The following CDC16 variants were observed in gnomAD, a reference collection of about 807,000 sequenced individuals.
The protein encoded by CDC16 is cell division cycle protein 16 homolog.
A neutral mutation model predicts 87.0 loss-of-function variants in CDC16; 34 were observed. The ratio of observed to expected loss-of-function variants is 0.39; its 90% CI spans 0.30 to 0.52. CDC16 has a LOEUF of 0.52. Among genes scored for constraint, CDC16 ranks in the 20% least tolerant of loss-of-function variants. The probability of loss-of-function intolerance (pLI) is 0.74; values close to 1 mark genes in which losing one functional copy is unlikely to be tolerated. For synonymous variants in CDC16, 263 were observed against 260.6 expected, an observed-to-expected ratio of 1.01 and a Z score of -0.09; for missense variants, 653 against 751.9, an observed-to-expected ratio of 0.87 and a Z score of 1.54.
intron 1 of CDC16, among the ~76,000 whole-genome samples, chr13:114,235,988 G>A (rs961810451): frequency 5.3e-5 from 8 of 152,320 alleles, no homozygotes; most frequent in African/African-American, 1.7e-4. Flanking sequence ...CGGGCTAGCA[G>A]CAGTGGTCCT....
intron 13 of CDC16, among the ~76,000 whole-genome samples, chr13:114,258,077 G>A (rs17291383): frequency 2.6e-5 from 4 of 152,028 alleles, no homozygotes; most frequent in African/African-American, 9.7e-5. Context: ...GAGCCTCCAC[G>A]CTCGGCTGTA....
chr13:114,257,113 A>G lies in CDC16; in HGVS notation c.1133A>G (p.Tyr378Cys). ...HLPMLYIGLE[Y>C]GLTNNSKLAE... ...CCTATGCTGTATATTGGATTAGAAT[A>G]TGGTTTGACCAATAACTCAAAACTA... is the stretch of plus-strand genomic sequence containing the variant. Residue 378 changes from tyrosine to cysteine, a missense_variant, in exon 13 of 18, where the codon TAT becomes TGT. Transcript: ENST00000356221. The G allele has an allele frequency of 1.6e-5, 26 of 1,610,794 alleles. No individual in the cohort carries two copies. The highest frequency in any genetic ancestry group is 2.2e-5 in the Non-Finnish European group (26 of 1,177,552).
chr13:114,263,030 G>A lies in CDC16; in HGVS notation c.1512+16G>A. The A allele has an allele frequency of 6.2e-7, 1 of 1,610,844 alleles. No individual in the cohort carries two copies. The highest frequency in any genetic ancestry group is 1.3e-5 in the African/African-American group (1 of 74,932). ...CTTCCACACAGTATGTCTTTTCTTT[G>A]TACCTAATTTTAAATCTGGTTAACA... On this transcript the variant is annotated intron_variant, in intron 16 of 17. Transcript: ENST00000356221.
intron 12 of CDC16, among the ~76,000 whole-genome samples, chr13:114,251,476 T>C (rs2082173027): frequency 6.6e-6 from 1 of 152,192 alleles, no homozygotes; most frequent in South Asian, 2.1e-4. Flanking sequence ...GTTTATTTAC[T>C]TGTATGCAGG....
At chr13:114,256,896 C>T (rs923797691) in intron 12 of CDC16, among the ~76,000 whole-genome samples, 182 bp from the exon 13 acceptor site, 9 of 152,158 alleles carry the variant, frequency 5.9e-5, no homozygotes, top group Middle Eastern at 3.4e-3. Context: ...CTAGAAGTGG[C>T]AGCTGATTAG....
rs1335981806 is a variant in CDC16, at chr13:114,235,513, A to C, written c.48+381A>C. Among the ~76,000 whole-genome samples, 7 of 152,328 alleles carry C rather than the reference A, an allele frequency of 4.6e-5. No individual in the cohort carries two copies. In the East Asian group the frequency reaches 9.6e-4, roughly 21 times the overall value. ...TTTGAGAGGTTTAGTTGTAATTTTT[A>C]CTGGGCTGAATTTAAGTGAATAAAG... On this transcript the variant is annotated intron_variant, in intron 1 of 17. Coordinates refer to ENST00000356221, the MANE Select transcript of CDC16 (RefSeq NM_001078645.3).
chr13:114,260,541 A>T (rs529988726), intron 14 of CDC16, among the ~76,000 whole-genome samples: 3 of 152,252 alleles, frequency 2.0e-5, no homozygotes, highest in Admixed American at 1.3e-4. Flanking sequence ...TATCACGCAC[A>T]GAAAAGTTTT....
chr13:114,235,109 C>T lies in CDC16; in HGVS notation c.25C>T (p.Arg9Cys). The change falls in exon 1 of 18, where the codon CGC (arginine) becomes TGC (cysteine). Residue 9 changes from arginine to cysteine, a missense_variant. Coordinates refer to ENST00000356221, the MANE Select transcript of CDC16 (RefSeq NM_001078645.3). ...CATGAACCTAGAGCGGCTGCGGAAG[C>T]GCGTCCGGCAGTACCTCGACCAGGT... MNLERLRK[R>C]VRQYLDQQQY... 1.6e-6 allele frequency: 2 copies of T among 1,245,332 alleles called. No individual in the cohort carries two copies. Among genetic ancestry groups the T allele is most frequent in the Non-Finnish European group, 2.0e-6 (2 of 995,280 alleles). 77.1% of individuals were successfully genotyped at this position (1,245,332 alleles called of 1,614,324 possible).
At chr13:114,235,271 A>G in intron 1 of CDC16, 139 bp downstream of exon 1, 1 of 551,026 alleles carries the variant, frequency 1.8e-6, no homozygotes, top group Non-Finnish European at 2.7e-6. Context: ...TGGGGCCAGC[A>G]GCGCTGTCTC....
chr13:114,250,039 C>T (rs1208815937), intron 11 of CDC16, among the ~76,000 whole-genome samples: 1 of 152,150 alleles, frequency 6.6e-6, no homozygotes, highest in Non-Finnish European at 1.5e-5. Flanking sequence ...AGAATAAATA[C>T]TAGCTGGGCA....
chr13:114,243,750 T>G, intron 7 of CDC16, 106 bp from the exon 8 acceptor site: 10 of 854,476 alleles, frequency 1.2e-5, no homozygotes, highest in South Asian at 1.8e-5. Flanking sequence ...GGCTCTCACA[T>G]TTGTTCTTGT....
intron 16 of CDC16, 39 bp from the exon 17 acceptor site, chr13:114,265,111 T>A: frequency 7.4e-7 from 1 of 1,359,282 alleles, no homozygotes; most frequent in Non-Finnish European, 1.1e-6. Flanking sequence ...GAAGGAAATA[T>A]GTTTTCTTTT....
At chr13:114,266,096 C>T (rs1016417574) in intron 17 of CDC16, among the ~76,000 whole-genome samples, 1 of 152,228 alleles carries the variant, frequency 6.6e-6, no homozygotes, top group Non-Finnish European at 1.5e-5. Context: ...GGATAACAGG[C>T]ATGAGCCACT....
At chr13:114,271,300 A>G (rs560869629) in intron 17 of CDC16, among the ~76,000 whole-genome samples, 10 of 152,274 alleles carry the variant, frequency 6.6e-5, no homozygotes, top group Middle Eastern at 3.4e-3. Flanking sequence ...TCTGAAAGCT[A>G]TTGGTTTGAA....
At chr13:114,253,925 A>T (rs996095811) in intron 12 of CDC16, among the ~76,000 whole-genome samples, 1 of 151,932 alleles carries the variant, frequency 6.6e-6, no homozygotes, top group Admixed American at 6.6e-5. Context: ...TGAATTGTGT[A>T]TTTCTCCCTC....
Position 114,236,856 on chromosome 13 carries a change from A to G in CDC16, c.161A>G (p.His54Arg). ...AQCLYLTAQYHRAAHALRSRK... is the reference protein window; with the variant it reads ...AQCLYLTAQYRRAAHALRSRK... ...TGTCTTTACCTGACAGCACAATATC[A>G]CAGAGCCGCCCATGCACTTCGGTCA... Residue 54 changes from histidine to arginine, a missense_variant, in exon 3 of 18, where the codon CAC (histidine) becomes CGC (arginine). By Grantham distance (29) the His-to-Arg change is conservative. Transcript: ENST00000356221. 6.2e-7 allele frequency: 1 copy of G among 1,607,018 alleles called. No individual in the cohort carries two copies. The highest frequency in any genetic ancestry group is 8.5e-7 in the Non-Finnish European group (1 of 1,177,724).
At chr13:114,244,092 A>G in intron 8 of CDC16, 103 bp downstream of exon 8, 1 of 798,832 alleles carries the variant, frequency 1.3e-6, no homozygotes, top group Admixed American at 2.4e-5. Context: ...CTAGATGATA[A>G]TTTAAGTTAT....
intron 14 of CDC16, among the ~76,000 whole-genome samples, chr13:114,259,779 G>A (rs1342540682): frequency 6.6e-6 from 1 of 152,204 alleles, no homozygotes; most frequent in Non-Finnish European, 1.5e-5. Context: ...GGTAAATAAA[G>A]TATAGCAGCA....
intron 11 of CDC16, among the ~76,000 whole-genome samples, chr13:114,248,981 G>A (rs1160593801): frequency 6.6e-6 from 1 of 151,674 alleles, no homozygotes; most frequent in Non-Finnish European, 1.5e-5. Flanking sequence ...CAGGGTGGGG[G>A]GACTGGTTTC....
Sources: allele counts gnomAD v4.1 joint callset (sites outside exome capture counted in the v4.1 genomes callset), GRCh38; gene constraint gnomAD v4.1.1; transcripts MANE v1.5; gene names NCBI Gene and HGNC (gene_info 2026-07-23, HGNC 2026-07-21).